The following PDE1C variants were observed in gnomAD, a reference collection of about 807,000 sequenced individuals.
PDE1C encodes dual specificity calcium/calmodulin-dependent 3',5'-cyclic nucleotide phosphodiesterase 1C.
A neutral mutation model predicts 93.1 loss-of-function variants in PDE1C; 62 were observed. That is an observed-to-expected ratio of 0.67 (90% CI 0.54 to 0.82). The LOEUF is 0.82. PDE1C is among the 40% of genes least tolerant of loss of function. PDE1C has a pLI of 0.00. For synonymous variants in PDE1C, 325 were observed against 310.1 expected, an observed-to-expected ratio of 1.05 and a Z score of -0.50; for missense variants, 742 against 884.6, an observed-to-expected ratio of 0.84 and a Z score of 2.04.
At chr7:31,641,710 T>C in the PDE1C span, among the ~76,000 whole-genome samples, 1 of 152,178 alleles carries the variant, frequency 6.6e-6, no homozygotes, top group Non-Finnish European at 1.5e-5. Flanking sequence ...CACAAACTTG[T>C]AGTCATAGAA....
chr7:32,361,544 C>G (rs1463861956), intron 1 of PDE1C, among the ~76,000 whole-genome samples: 2 of 152,182 alleles, frequency 1.3e-5, no homozygotes, highest in Non-Finnish European at 2.9e-5. Context: ...GCCCCTGACC[C>G]TCGCACATGC....
intron 3 of PDE1C, among the ~76,000 whole-genome samples, chr7:32,126,472 C>T (rs769449052): frequency 8.5e-5 from 13 of 152,070 alleles, no homozygotes; most frequent in Non-Finnish European, 1.8e-4. Flanking sequence ...AGGTAACCTG[C>T]TAATTTTGTT....
At chr7:31,718,866 G>A in the PDE1C span, among the ~76,000 whole-genome samples, 8 of 152,186 alleles carry the variant, frequency 5.3e-5, no homozygotes, top group East Asian at 5.8e-4. Flanking sequence ...GGATCACCTC[G>A]GGGGGAAGTG....
At chr7:31,893,625 A>C (rs967216135) in intron 2 of PDE1C, 22 of 347,182 alleles carry the variant, frequency 6.3e-5, no homozygotes, top group Non-Finnish European at 8.9e-5. Context: ...TAGTGACACA[A>C]GGTAAACGCT....
chr7:31,664,216 G>A, the PDE1C span, among the ~76,000 whole-genome samples: 1 of 152,160 alleles, frequency 6.6e-6, no homozygotes, highest in Non-Finnish European at 1.5e-5. Context: ...GTGAGGAGTA[G>A]GCAGCAGTCT....
intron 1 of PDE1C, among the ~76,000 whole-genome samples, chr7:32,281,037 T>C (rs1811594634): frequency 6.6e-6 from 1 of 152,118 alleles, no homozygotes; most frequent in Admixed American, 6.6e-5. Flanking sequence ...CAAATATGTA[T>C]GTGTGTGTAA....
chr7:32,177,506 G>A (rs758409120), intron 2 of PDE1C, among the ~76,000 whole-genome samples: 7 of 152,108 alleles, frequency 4.6e-5, no homozygotes, highest in Admixed American at 3.9e-4. Flanking sequence ...CCTCTCAGGG[G>A]TGTGCCTTTC....
chr7:31,873,181 G>A (rs1297873990), intron 6 of PDE1C, 111 bp downstream of exon 6: 9 of 658,872 alleles, frequency 1.4e-5, no homozygotes, highest in Admixed American at 2.7e-5. Context: ...TTCCTCAGTC[G>A]CCTGGAGCAG....
intron 1 of PDE1C, among the ~76,000 whole-genome samples, chr7:32,333,397 T>C (rs1023162426): frequency 6.6e-6 from 1 of 152,182 alleles, no homozygotes; most frequent in African/African-American, 2.4e-5. Flanking sequence ...GCCCCAAGGA[T>C]ATGTACCATA....
intron 1 of PDE1C, among the ~76,000 whole-genome samples, chr7:32,350,044 C>T (rs1409340097): frequency 6.6e-6 from 1 of 152,204 alleles, no homozygotes; most frequent in African/African-American, 2.4e-5. Flanking sequence ...TATCCATGTC[C>T]TGCTTTGTGG....
intron 2 of PDE1C, among the ~76,000 whole-genome samples, chr7:32,192,271 C>T (rs1804286428): frequency 1.3e-5 from 2 of 152,038 alleles, no homozygotes; most frequent in Admixed American, 1.3e-4. Flanking sequence ...GTGTCAAGTC[C>T]ATTTTTCCTA....
At chr7:31,880,147 A>T (rs1231317408) in intron 3 of PDE1C, among the ~76,000 whole-genome samples, 4 of 152,208 alleles carry the variant, frequency 2.6e-5, no homozygotes, top group Non-Finnish European at 4.4e-5. Flanking sequence ...GGGGGAAAAA[A>T]AACCACACCT....
intron 1 of PDE1C, among the ~76,000 whole-genome samples, chr7:32,068,847 T>G (rs1795701102): frequency 6.6e-6 from 1 of 152,128 alleles, no homozygotes; most frequent in Admixed American, 6.5e-5. Flanking sequence ...CGCTTTCACA[T>G]TATACACTTT....
intron 1 of PDE1C, among the ~76,000 whole-genome samples, chr7:32,271,743 A>G (rs572416607): frequency 6.6e-6 from 1 of 152,344 alleles, no homozygotes; most frequent in Non-Finnish European, 1.5e-5. Context: ...GATAATAATA[A>G]TAACACATGG....
chr7:32,207,114 A>G (rs1805630554), intron 2 of PDE1C, among the ~76,000 whole-genome samples: 1 of 152,156 alleles, frequency 6.6e-6, no homozygotes, highest in Non-Finnish European at 1.5e-5. Context: ...GGGGCCTGGT[A>G]GATCCAGAGT....
At chr7:32,358,492 CT>C (rs2128084618) in intron 1 of PDE1C, among the ~76,000 whole-genome samples, 1 of 152,294 alleles carries the variant, frequency 6.6e-6, no homozygotes, top group East Asian at 1.9e-4. Flanking sequence ...CGAATCAGAG[CT>C]CTATAAAGAA....
intron 3 of PDE1C, among the ~76,000 whole-genome samples, chr7:32,165,537 A>G (rs553136760): frequency 6.6e-6 from 1 of 152,298 alleles, no homozygotes; most frequent in Admixed American, 6.5e-5. Context: ...GGAAGTAAGG[A>G]CCTTCTTCAC....
intron 3 of PDE1C, among the ~76,000 whole-genome samples, chr7:32,095,948 ATT>A (rs1323257312): frequency 1.3e-5 from 2 of 152,170 alleles, no homozygotes; most frequent in Admixed American, 1.3e-4. Flanking sequence ...TTAGGCCAAT[ATT>A]TCCCATAATA....
intron 3 of PDE1C, among the ~76,000 whole-genome samples, chr7:32,161,430 A>G (rs11980796): frequency 0.26 from 39,123 of 152,004 alleles, 5,386 homozygotes; most frequent in East Asian, 0.51. Context: ...CACACATCAA[A>G]TACTCTATTG....
Sources: allele counts gnomAD v4.1 joint callset (sites outside exome capture counted in the v4.1 genomes callset), GRCh38; gene constraint gnomAD v4.1.1; transcripts MANE v1.5; gene names NCBI Gene and HGNC (gene_info 2026-07-23, HGNC 2026-07-21).